SLC35F1: variants seen among roughly 807,000 people sequenced by gnomAD.
The protein encoded by SLC35F1 is chromosome 6 open reading frame 169.
Under a neutral mutation model 48.7 loss-of-function variants are expected in SLC35F1, and 14 were observed. The observed-to-expected ratio is 0.29, with a 90% CI of 0.19 to 0.45. The LOEUF is 0.45. Ranked by LOEUF, SLC35F1 falls within the 20% of genes least tolerant of loss-of-function variation. The pLI is 1.00. For synonymous variants in SLC35F1, 190 were observed against 202.2 expected (o/e 0.94, Z 0.51); for missense variants, 404 against 500.0 (o/e 0.81, Z 1.83).
intron 2 of SLC35F1, among the ~76,000 whole-genome samples, chr6:118,187,397 C>G (rs1774671203): frequency 6.6e-6 from 1 of 152,188 alleles, no homozygotes; most frequent in African/African-American, 2.4e-5. Flanking sequence ...GTAACCAACT[C>G]ATGAAAATAG....
chr6:118,108,665 T>C (rs948487433), intron 1 of SLC35F1, among the ~76,000 whole-genome samples: 1 of 152,168 alleles, frequency 6.6e-6, no homozygotes, highest in African/African-American at 2.4e-5. Flanking sequence ...TTATGTGTTG[T>C]TGCACAATGT....
intron 2 of SLC35F1, among the ~76,000 whole-genome samples, chr6:118,228,049 G>A (rs1775240598): frequency 6.6e-6 from 1 of 152,166 alleles, no homozygotes; most frequent in South Asian, 2.1e-4. Context: ...GAGGCAGCCT[G>A]TGGCTAAACT....
intron 1 of SLC35F1, among the ~76,000 whole-genome samples, chr6:118,125,742 C>T (rs575073345): frequency 2.6e-5 from 4 of 152,254 alleles, no homozygotes; most frequent in South Asian, 2.1e-4. Flanking sequence ...GCACCAGAGA[C>T]GTAGCAAGCC....
chr6:117,912,133 T>G (rs566455225), intron 1 of SLC35F1, among the ~76,000 whole-genome samples: 2 of 152,374 alleles, frequency 1.3e-5, no homozygotes, highest in South Asian at 2.1e-4. Context: ...AAGGGGTTTC[T>G]GCCTCTTTGA....
At chr6:118,082,500 T>C (rs965889889) in intron 1 of SLC35F1, among the ~76,000 whole-genome samples, 1 of 152,162 alleles carries the variant, frequency 6.6e-6, no homozygotes, top group Non-Finnish European at 1.5e-5. Context: ...AACAGTAATG[T>C]CTGTCTTTTC....
intron 1 of SLC35F1, among the ~76,000 whole-genome samples, chr6:117,936,302 G>C (rs1776162276): frequency 6.6e-6 from 1 of 152,064 alleles, no homozygotes; most frequent in Non-Finnish European, 1.5e-5. Flanking sequence ...GTAGGTCCAG[G>C]GGTGGATGCT....
chr6:118,158,722 A>C (rs886474579), intron 2 of SLC35F1, among the ~76,000 whole-genome samples: 3 of 152,224 alleles, frequency 2.0e-5, no homozygotes, highest in Admixed American at 6.5e-5. Context: ...GTCACGATCA[A>C]AGACTCTGAA....
At chr6:118,130,488 G>A (rs114518254) in intron 1 of SLC35F1, among the ~76,000 whole-genome samples, 1,906 of 151,906 alleles carry the variant, frequency 0.013, 36 homozygotes, top group African/African-American at 0.043. Context: ...CAAAACAAAC[G>A]AACAAACAAA....
chr6:118,163,432 A>T (rs1031768592), intron 2 of SLC35F1, among the ~76,000 whole-genome samples: 1 of 109,466 alleles, frequency 9.1e-6, no homozygotes, highest in Non-Finnish European at 2.0e-5. Flanking sequence ...ACTCACACAC[A>T]CACACACACA....
intron 1 of SLC35F1, among the ~76,000 whole-genome samples, chr6:117,927,118 A>G (rs556846746): frequency 1.2e-4 from 19 of 152,322 alleles, no homozygotes; most frequent in Non-Finnish European, 2.2e-4. Context: ...CCTACCTCAT[A>G]GGGATACTGA....
chr6:117,927,613 A>G (rs1015782382), intron 1 of SLC35F1, among the ~76,000 whole-genome samples: 1 of 152,186 alleles, frequency 6.6e-6, no homozygotes, highest in Non-Finnish European at 1.5e-5. Context: ...GAAGCTGATG[A>G]AAGTAGGTGT....
At chr6:118,061,588 G>GTATA (rs1237884567) in intron 1 of SLC35F1, among the ~76,000 whole-genome samples, 156 of 144,724 alleles carry the variant, frequency 1.1e-3, no homozygotes, top group Non-Finnish European at 1.9e-3. Flanking sequence ...GTGTGTGTGT[G>GTATA]TGTATATATA....
intron 1 of SLC35F1, among the ~76,000 whole-genome samples, chr6:118,031,909 G>A (rs1200515921): frequency 6.6e-6 from 1 of 152,134 alleles, no homozygotes. Context: ...TGGTGGCCAT[G>A]TCTAATGGGA....
At chr6:117,941,632 C>T (rs1776234311) in intron 1 of SLC35F1, among the ~76,000 whole-genome samples, 1 of 152,114 alleles carries the variant, frequency 6.6e-6, no homozygotes, top group South Asian at 2.1e-4. Context: ...TTATATTTGC[C>T]TTTGGAGATT....
At chr6:117,946,220 A>G (rs1776292987) in intron 1 of SLC35F1, among the ~76,000 whole-genome samples, 1 of 152,136 alleles carries the variant, frequency 6.6e-6, no homozygotes, top group African/African-American at 2.4e-5. Flanking sequence ...GGAGAAGAGT[A>G]GTCTAAATGG....
chr6:118,163,015 T>C lies in SLC35F1; in HGVS notation c.349+8395T>C, dbSNP rs529583443. ...CTCTGTCTCCCAGACTGTAGTGCAG[T>C]GGTGCGATCTCGAGAGGCTCACTGC... On this transcript the variant is annotated intron_variant, in intron 2 of 7. Transcript: ENST00000360388. 1.0e-3 allele frequency among the ~76,000 whole-genome samples: 154 copies of C among 151,234 alleles called. 4 individuals carry two copies. In the South Asian group the frequency reaches 0.03, roughly 30 times the overall value.
chr6:118,054,131 G>C (rs1772429904), intron 1 of SLC35F1, among the ~76,000 whole-genome samples: 3 of 152,086 alleles, frequency 2.0e-5, no homozygotes, highest in South Asian at 2.1e-4. Flanking sequence ...TTGGAGTCTT[G>C]ATTTACATTA....
At chr6:117,962,190 C>G (rs1212666847) in intron 1 of SLC35F1, among the ~76,000 whole-genome samples, 2 of 152,102 alleles carry the variant, frequency 1.3e-5, no homozygotes, top group African/African-American at 4.8e-5. Flanking sequence ...TAACCATATA[C>G]AAGAGGTGAG....
chr6:118,148,737 C>T (rs983817804), intron 1 of SLC35F1, among the ~76,000 whole-genome samples: 1 of 152,190 alleles, frequency 6.6e-6, no homozygotes, highest in African/African-American at 2.4e-5. Flanking sequence ...CCATATACTA[C>T]ATGAATAACC....
Sources: gnomAD v4.1 joint callset for allele counts (sites outside exome capture counted in the v4.1 genomes callset) on GRCh38, gnomAD v4.1.1 for gene constraint, MANE v1.5 for transcripts, NCBI Gene and HGNC (gene_info 2026-07-23, HGNC 2026-07-21) for gene names.